Variants in STARD6 observed in about 807,000 individuals in gnomAD.
The protein encoded by STARD6 is stAR-related lipid transfer protein 6.
In STARD6, 21 loss-of-function variants were observed where a neutral mutation model predicts 22.3. That is an observed-to-expected ratio of 0.94 (90% CI 0.67 to 1.35). The LOEUF (loss-of-function observed/expected upper bound fraction) is 1.35, where lower values mean the gene tolerates loss of function less well. Ranked by LOEUF, STARD6 falls within the 40% of genes most tolerant of loss-of-function variation. STARD6 has a pLI of 0.00. For synonymous variants in STARD6, 80 were observed against 88.1 expected (o/e 0.91, Z 0.52); for missense variants, 269 against 266.9 (o/e 1.01, Z -0.05).
intron 5 of STARD6, among the ~76,000 whole-genome samples, chr18:54,334,868 AAGC>A (rs2079014463): frequency 6.6e-6 from 1 of 152,134 alleles, no homozygotes; most frequent in Non-Finnish European, 1.5e-5. Flanking sequence ...AGTTTTGTGA[AAGC>A]AGGGACAATT....
intron 4 of STARD6, 38 bp from the exon 5 acceptor site, chr18:54,337,289 A>C: frequency 2.5e-6 from 4 of 1,590,886 alleles, no homozygotes; most frequent in Non-Finnish European, 3.4e-6. Flanking sequence ...AAAGCTTAAA[A>C]AGTTTAGTCT....
intron 4 of STARD6, among the ~76,000 whole-genome samples, chr18:54,353,295 C>T (rs1485465598): frequency 6.6e-6 from 1 of 152,086 alleles, no homozygotes; most frequent in Non-Finnish European, 1.5e-5. Context: ...TATACTTTCC[C>T]TTAGTGTACT....
At chr18:54,333,702 T>A (rs1006282316) in intron 5 of STARD6, among the ~76,000 whole-genome samples, 6 of 152,206 alleles carry the variant, frequency 3.9e-5, no homozygotes, top group Non-Finnish European at 8.8e-5. Context: ...CATGGGCTTT[T>A]CTATAACTCT....
At chr18:54,352,685 A>G (rs546579382) in intron 4 of STARD6, among the ~76,000 whole-genome samples, 14 of 152,220 alleles carry the variant, frequency 9.2e-5, no homozygotes, top group Non-Finnish European at 1.8e-4. Flanking sequence ...TGAGTGCAAA[A>G]AGTACCAATT....
chr18:54,350,694 T>C (rs538997367), intron 4 of STARD6, among the ~76,000 whole-genome samples: 134 of 152,314 alleles, frequency 8.8e-4, no homozygotes, highest in African/African-American at 3.1e-3. Context: ...TTCATTCTTC[T>C]ACATGTAGCT....
rs1039979487 is a variant in STARD6, at chr18:54,354,690, A to G, written c.-4-113T>C. ...TAATGCCTGTCACATAGAAATGAACATAATTACTTGATGAATGCATGTATG... is the reference window on the plus strand; with the variant it reads ...TAATGCCTGTCACATAGAAATGAACGTAATTACTTGATGAATGCATGTATG... On this transcript the variant is annotated intron_variant, in intron 2 of 7. Coordinates refer to ENST00000307844, the MANE Select transcript of STARD6 (RefSeq NM_139171.2). 8.4e-6 allele frequency: 6 copies of G among 717,384 alleles called. No homozygotes were observed. The Admixed American group carries it at 1.7e-4, about 20-fold the overall frequency. The allele number at this position is 717,384 out of a possible 1,614,324, so 44.4% of individuals were successfully genotyped here.
intron 4 of STARD6, among the ~76,000 whole-genome samples, chr18:54,340,125 G>A (rs1051343143): frequency 4.6e-5 from 7 of 152,064 alleles, no homozygotes; most frequent in Non-Finnish European, 1.0e-4. Flanking sequence ...AGATGGGTAA[G>A]ATAGAAATAT....
rs545208689 is a variant in STARD6, at chr18:54,335,817, T to C, written c.267+1308A>G. Reference sequence around the variant, plus strand: ...AACAGAAGAGTTACCTGTTACCTCATGCCAAGGTGTTCCCCTTCACCTTCT... The same window carrying C: ...AACAGAAGAGTTACCTGTTACCTCACGCCAAGGTGTTCCCCTTCACCTTCT... On this transcript the variant is annotated intron_variant, in intron 5 of 7. Transcript: ENST00000307844. Among the ~76,000 whole-genome samples, 3 of 152,306 alleles carry C rather than the reference T, an allele frequency of 2.0e-5. No homozygotes were observed. The East Asian group carries it at 5.8e-4, about 29-fold the overall frequency.
intron 5 of STARD6, among the ~76,000 whole-genome samples, chr18:54,332,388 C>A (rs1176279701): frequency 6.6e-6 from 1 of 152,178 alleles, no homozygotes; most frequent in Admixed American, 6.5e-5. Context: ...ATCCCCTAGC[C>A]AAACAACCCT....
chr18:54,333,425 G>A (rs1423955963), intron 5 of STARD6, among the ~76,000 whole-genome samples: 1 of 152,142 alleles, frequency 6.6e-6, no homozygotes, highest in Non-Finnish European at 1.5e-5. Flanking sequence ...CTCCAGCCTG[G>A]GGTGACAGAG....
chr18:54,331,924 C>T (rs1024620614), intron 5 of STARD6, 65 bp from the exon 6 acceptor site: 3 of 1,193,932 alleles, frequency 2.5e-6, no homozygotes, highest in South Asian at 3.2e-5. Context: ...TATTGTTTCC[C>T]CCCCAAATTT....
intron 4 of STARD6, among the ~76,000 whole-genome samples, chr18:54,343,483 C>T (rs1450682153): frequency 9.9e-5 from 11 of 110,660 alleles, no homozygotes; most frequent in Admixed American, 1.6e-4. Context: ...TCTGCCCGGC[C>T]GCCCCTACTG....
chr18:54,348,600 A>G (rs1379330672), intron 4 of STARD6, among the ~76,000 whole-genome samples: 1 of 152,168 alleles, frequency 6.6e-6, no homozygotes, highest in Non-Finnish European at 1.5e-5. Flanking sequence ...GGGGATAATA[A>G]CAGTGCTTAC....
At chr18:54,334,864 G>A (rs1209958475) in intron 5 of STARD6, among the ~76,000 whole-genome samples, 1 of 152,112 alleles carries the variant, frequency 6.6e-6, no homozygotes, top group East Asian at 1.9e-4. Flanking sequence ...CGTAAGTTTT[G>A]TGAAAGCAGG....
intron 5 of STARD6, among the ~76,000 whole-genome samples, chr18:54,334,426 G>T (rs2088891641): frequency 6.6e-6 from 1 of 152,024 alleles, no homozygotes; most frequent in Non-Finnish European, 1.5e-5. Flanking sequence ...CCCACTGAAC[G>T]TAGAGCAAAA....
intron 4 of STARD6, among the ~76,000 whole-genome samples, chr18:54,348,305 G>T (rs1329363649): frequency 6.6e-6 from 1 of 152,128 alleles, no homozygotes; most frequent in African/African-American, 2.4e-5. Context: ...TGGTAATGAT[G>T]GTGGTAATAA....
intron 4 of STARD6, among the ~76,000 whole-genome samples, chr18:54,341,621 A>G (rs2088970097): frequency 6.6e-6 from 1 of 152,254 alleles, no homozygotes; most frequent in Non-Finnish European, 1.5e-5. Flanking sequence ...GAAATTTGGG[A>G]AATTCCCAAA....
At chr18:54,328,388 AC>A (rs1310685416) in intron 7 of STARD6, among the ~76,000 whole-genome samples, 1 of 152,172 alleles carries the variant, frequency 6.6e-6, no homozygotes, top group Admixed American at 6.5e-5. Flanking sequence ...CAGTTGATTT[AC>A]CTTGCTGAAT....
intron 4 of STARD6, among the ~76,000 whole-genome samples, chr18:54,349,885 T>G (rs1031587721): frequency 6.6e-6 from 1 of 152,206 alleles, no homozygotes; most frequent in Non-Finnish European, 1.5e-5. Context: ...ATACCACATT[T>G]TCTTTATCCA....
Sources: allele counts gnomAD v4.1 joint callset (sites outside exome capture counted in the v4.1 genomes callset), GRCh38; gene constraint gnomAD v4.1.1; transcripts MANE v1.5; gene names NCBI Gene and HGNC (gene_info 2026-07-23, HGNC 2026-07-21).